Variants in SLC35F1 observed in about 807,000 individuals in gnomAD.
SLC35F1 encodes chromosome 6 open reading frame 169.
A neutral mutation model predicts 48.7 loss-of-function variants in SLC35F1; 14 were observed. The ratio of observed to expected loss-of-function variants is 0.29; its 90% CI spans 0.19 to 0.45. The LOEUF (loss-of-function observed/expected upper bound fraction) is 0.45, where lower values mean the gene tolerates loss of function less well. Ranked by LOEUF, SLC35F1 falls within the 20% of genes least tolerant of loss-of-function variation. The pLI is 1.00. For synonymous variants in SLC35F1, 190 were observed against 202.2 expected, an observed-to-expected ratio of 0.94 and a Z score of 0.51; for missense variants, 404 against 500.0, an observed-to-expected ratio of 0.81 and a Z score of 1.83.
At chr6:118,204,323 C>T (rs909845114) in intron 2 of SLC35F1, among the ~76,000 whole-genome samples, 5 of 152,184 alleles carry the variant, frequency 3.3e-5, no homozygotes, top group Admixed American at 6.5e-5. Context: ...AAAAGTGGGC[C>T]AGACCATGTG....
At chr6:118,140,351 A>C (rs2114441121) in intron 1 of SLC35F1, among the ~76,000 whole-genome samples, 1 of 152,334 alleles carries the variant, frequency 6.6e-6, no homozygotes, top group African/African-American at 2.4e-5. Flanking sequence ...GAGCTAAGAA[A>C]GTCTTATCAC....
At chr6:118,266,955 T>C (rs1370579611) in intron 3 of SLC35F1, 40 bp from the exon 4 acceptor site, 4 of 1,606,508 alleles carry the variant, frequency 2.5e-6, no homozygotes, top group Non-Finnish European at 2.6e-6. Flanking sequence ...TGCTTCCTCC[T>C]GAATCTCCTG....
intron 1 of SLC35F1, among the ~76,000 whole-genome samples, chr6:118,095,811 A>C (rs1292969639): frequency 6.6e-6 from 1 of 152,160 alleles, no homozygotes; most frequent in Admixed American, 6.5e-5. Flanking sequence ...CAACTAGGGA[A>C]GAAAGGAGAA....
chr6:118,273,479 A>G (rs1052734374), intron 4 of SLC35F1, among the ~76,000 whole-genome samples: 1 of 152,190 alleles, frequency 6.6e-6, no homozygotes, highest in African/African-American at 2.4e-5. Context: ...ATGTCATCAC[A>G]AGATTCTAAA....
At chr6:118,032,487 G>A (rs35940966) in intron 1 of SLC35F1, among the ~76,000 whole-genome samples, 62,272 of 151,974 alleles carry the variant, frequency 0.41, 12,955 homozygotes, top group Admixed American at 0.48. Flanking sequence ...GAGATGCCTT[G>A]AGAGAAAACA....
At position 118,237,762 on chromosome 6, in the gene SLC35F1, G is replaced by A. The variant is rs374416912; in HGVS notation, c.477+2126G>A. On this transcript the variant is annotated intron_variant, in intron 3 of 7. Transcript: ENST00000360388. Reference sequence around the variant, plus strand: ...TCTCCATACAATAAAGCTTTAAAATGGAAAAACCTTTTAGATACGTCGTAG... The same window carrying A: ...TCTCCATACAATAAAGCTTTAAAATAGAAAAACCTTTTAGATACGTCGTAG... 2.6e-3 allele frequency among the ~76,000 whole-genome samples: 396 copies of A among 152,270 alleles called. 20 individuals carry two copies. The South Asian group carries it at 0.078, about 30-fold the overall frequency.
chr6:118,273,638 T>G (rs1458162058), intron 4 of SLC35F1, among the ~76,000 whole-genome samples: 1 of 152,230 alleles, frequency 6.6e-6, no homozygotes, highest in East Asian at 1.9e-4. Context: ...TAAAAAAGAT[T>G]AATCAGGTTG....
At chr6:118,239,392 T>C (rs962118610) in intron 3 of SLC35F1, among the ~76,000 whole-genome samples, 3 of 151,734 alleles carry the variant, frequency 2.0e-5, no homozygotes, top group African/African-American at 7.3e-5. Flanking sequence ...GGAGGAATGT[T>C]AGCTTCACAC....
At chr6:117,926,818 A>T (rs1031899666) in intron 1 of SLC35F1, among the ~76,000 whole-genome samples, 1 of 152,160 alleles carries the variant, frequency 6.6e-6, no homozygotes, top group African/African-American at 2.4e-5. Context: ...TGATGTGTTC[A>T]TAAGATCTGG....
At chr6:118,184,497 C>T (rs1774629067) in intron 2 of SLC35F1, among the ~76,000 whole-genome samples, 1 of 152,218 alleles carries the variant, frequency 6.6e-6, no homozygotes, top group Non-Finnish European at 1.5e-5. Context: ...ACTTTTCCTG[C>T]TTCTCCCTTT....
At chr6:118,156,667 TA>T (rs201846701) in intron 2 of SLC35F1, among the ~76,000 whole-genome samples, 4 of 32,756 alleles carry the variant, frequency 1.2e-4, no homozygotes, top group African/African-American at 4.0e-4. Flanking sequence ...GAAAGTATAA[TA>T]AAAAATAAAA....
At chr6:118,235,419 A>G (rs993614028) in intron 2 of SLC35F1, 90 bp from the exon 3 acceptor site, 5 of 1,204,566 alleles carry the variant, frequency 4.2e-6, no homozygotes, top group South Asian at 1.8e-5. Context: ...TTAAAAATAT[A>G]TAATGTTGCA....
intron 7 of SLC35F1, among the ~76,000 whole-genome samples, chr6:118,286,795 GTGTGTGTGTT>G (rs1297085063): frequency 1.4e-5 from 2 of 139,416 alleles, no homozygotes; most frequent in South Asian, 2.3e-4. Flanking sequence ...GTGTGTGTGT[GTGTGTGTGTT>G]TGTGTGTGTG....
At chr6:117,946,610 G>T (rs570702677) in intron 1 of SLC35F1, among the ~76,000 whole-genome samples, 22 of 152,290 alleles carry the variant, frequency 1.4e-4, no homozygotes, top group Non-Finnish European at 2.6e-4. Context: ...CTCTTAAGTG[G>T]TTTGACCTAG....
chr6:118,076,065 C>A lies in SLC35F1; in HGVS notation c.174-78380C>A, dbSNP rs6921506. ...ACTGTGATTCTGCTGGAAAAAAAAA[C>A]AAAACAGAATTATTTTATCTAGTCT... On this transcript the variant is annotated intron_variant, in intron 1 of 7. Coordinates refer to ENST00000360388, the MANE Select transcript of SLC35F1 (RefSeq NM_001029858.4). 6.5e-3 allele frequency among the ~76,000 whole-genome samples: 994 copies of A among 152,008 alleles called. 13 individuals are homozygous for A. Among genetic ancestry groups the A allele is most frequent in the African/African-American group, 0.023 (956 of 41,420 alleles).
chr6:117,989,743 T>C (rs1419916806), intron 1 of SLC35F1, among the ~76,000 whole-genome samples: 2 of 152,164 alleles, frequency 1.3e-5, no homozygotes, highest in Non-Finnish European at 2.9e-5. Flanking sequence ...ATAGTTATAG[T>C]TTATAAGTAG....
chr6:118,104,092 C>G lies in SLC35F1; in HGVS notation c.174-50353C>G, dbSNP rs187942045. On this transcript the variant is annotated intron_variant, in intron 1 of 7. Transcript: ENST00000360388. ...GGTTTTTCTTCTTCCTTCATTTCTT[C>G]CCTCCCCTTCCCTTCCCTTCCCTTC... Among the ~76,000 whole-genome samples the G allele has an allele frequency of 9.0e-3, 1,320 of 145,886 alleles. 16 individuals are homozygous for G. Among genetic ancestry groups the G allele is most frequent in the African/African-American group, 0.031 (1,250 of 39,726 alleles).
rs773472432 is a variant in SLC35F1 at position 117,907,747 on chromosome 6, G to T, written c.21G>T (p.Pro7=). The part of the protein sequence containing the change: MIPPEQ[P]QQQLQPPSPA... ...CCGCGATGATCCCCCCTGAGCAGCC[G>T]CAGCAGCAGCTGCAGCCGCCGTCGC... Residue 7 remains proline, a synonymous_variant, in exon 1 of 8, where the codon CCG becomes CCT. Transcript: ENST00000360388. 7 of 1,552,198 alleles carry T rather than the reference G, an allele frequency of 4.5e-6. No homozygotes were observed. Among genetic ancestry groups the T allele is most frequent in the South Asian group, 3.4e-5 (3 of 87,446 alleles).
chr6:118,120,076 C>T (rs1182056962), intron 1 of SLC35F1, among the ~76,000 whole-genome samples: 1 of 152,170 alleles, frequency 6.6e-6, no homozygotes, highest in East Asian at 1.9e-4. Context: ...TTCCCACCTT[C>T]TACAGTGCCT....
Sources: allele counts gnomAD v4.1 joint callset (sites outside exome capture counted in the v4.1 genomes callset), GRCh38; gene constraint gnomAD v4.1.1; transcripts MANE v1.5; gene names NCBI Gene and HGNC (gene_info 2026-07-23, HGNC 2026-07-21).